The following FNDC3B variants were observed in gnomAD, a reference collection of about 807,000 sequenced individuals.
FNDC3B encodes fibronectin type III domain containing 3B.
In FNDC3B, 12 loss-of-function variants were observed where a neutral mutation model predicts 151.5. The observed-to-expected ratio is 0.08, with a 90% CI of 0.05 to 0.13. The LOEUF (loss-of-function observed/expected upper bound fraction) is 0.13, where lower values mean the gene tolerates loss of function less well. FNDC3B is among the 10% of genes least tolerant of loss of function. The pLI, the probability that FNDC3B is intolerant of heterozygous loss-of-function variation, is 1.00. For synonymous variants in FNDC3B, 528 were observed against 549.0 expected (o/e 0.96, Z 0.54); for missense variants, 1,214 against 1,505.3 (o/e 0.81, Z 3.20).
In FNDC3B at chr3:172,330,707, G is replaced by A. The variant is rs779364384; in HGVS notation, c.1546G>A (p.Asp516Asn). ...CACCTACACCTTGGAAATTCAGGAGGATGAAAATGTGAGTTTTACAGATTT... is the reference window on the plus strand; with the variant it reads ...CACCTACACCTTGGAAATTCAGGAGAATGAAAATGTGAGTTTTACAGATTT... ...VITYTLEIQE[D>N]ENDNLFHPKY... The change falls in exon 13 of 26, where the codon GAT becomes AAT. Residue 516 changes from aspartate to asparagine, a missense_variant. Asp to Asn is a conservative substitution (Grantham distance 23). This residue lies in a region of FNDC3B where 111 missense variants were observed against 96.8 expected (regional missense o/e 1.15). Transcript: ENST00000415807. 1.9e-6 allele frequency: 3 copies of A among 1,612,530 alleles called. No homozygotes were observed. Among genetic ancestry groups the A allele is most frequent in the Non-Finnish European group, 2.5e-6 (3 of 1,178,882 alleles).
chr3:172,109,018 G>GCAT, intron 1 of FNDC3B, among the ~76,000 whole-genome samples: 1 of 152,308 alleles, frequency 6.6e-6, no homozygotes, highest in African/African-American at 2.4e-5. Flanking sequence ...CTCTGTGTGT[G>GCAT]CATGGAGCAC....
chr3:172,043,909 TAGAAAGCTGA>T (rs1003984183), intron 1 of FNDC3B, among the ~76,000 whole-genome samples: 3 of 152,212 alleles, frequency 2.0e-5, no homozygotes, highest in African/African-American at 7.2e-5. Context: ...AAGTCACTAA[TAGAAAGCTGA>T]AAAAAACGAT....
chr3:172,306,809 G>A (rs1433412318), intron 9 of FNDC3B: 1 of 152,700 alleles, frequency 6.5e-6, no homozygotes, highest in African/African-American at 2.4e-5. Context: ...CCTGAACATT[G>A]TTTTTGTGGA....
intron 4 of FNDC3B, among the ~76,000 whole-genome samples, chr3:172,242,678 C>T (rs560099616): frequency 6.6e-6 from 1 of 152,208 alleles, no homozygotes; most frequent in Non-Finnish European, 1.5e-5. Context: ...ATTTTATCCT[C>T]CTAGGCCTCA....
At chr3:172,141,054 A>G (rs1721602694) in intron 3 of FNDC3B, among the ~76,000 whole-genome samples, 1 of 152,116 alleles carries the variant, frequency 6.6e-6, no homozygotes, top group Admixed American at 6.5e-5. Context: ...CAATGATAGT[A>G]CCTATCTGAT....
rs1736455851 is a variant in FNDC3B at position 172,399,373 on chromosome 3, G to A, written c.*1898G>A. On this transcript the variant is annotated 3_prime_UTR_variant, in exon 26 of 26. Transcript: ENST00000415807. ...TTCTTATGTTTTTAAAAAGATAAGA[G>A]CATCTAGTGCATTAAATGCCAAAAA... is the stretch of plus-strand genomic sequence containing the variant. 6.6e-6 allele frequency: 1 copy of A among 152,354 alleles called. No homozygotes were observed. The highest frequency in any genetic ancestry group is 6.6e-5 in the Admixed American group (1 of 15,264). The allele number at this position is 152,354 out of a possible 1,614,324, so 9.4% of individuals were successfully genotyped here. A position where few individuals can be genotyped will look rare whatever the true frequency, so the allele number is the denominator to read the frequency against.
rs990466726 is a variant in FNDC3B at position 172,399,990 on chromosome 3, A to G, written c.*2515A>G. The G allele has an allele frequency of 6.6e-6, 1 of 152,648 alleles. No homozygotes were observed. The highest frequency in any genetic ancestry group is 1.5e-5 in the Non-Finnish European group (1 of 68,036). 9.5% of individuals were successfully genotyped at this position (152,648 alleles called of 1,614,324 possible). A position where few individuals can be genotyped will look rare whatever the true frequency, so the allele number is the denominator to read the frequency against. On this transcript the variant is annotated 3_prime_UTR_variant, in exon 26 of 26. Coordinates refer to ENST00000415807, the MANE Select transcript of FNDC3B (RefSeq NM_022763.4). ...ATTTTATTGCTCTCCATTATTTGGT[A>G]TTCATTATATTCCTTCAGTCAGAAA...
At chr3:172,379,931 A>G (rs1314551752) in intron 24 of FNDC3B, among the ~76,000 whole-genome samples, 2 of 152,206 alleles carry the variant, frequency 1.3e-5, no homozygotes, top group East Asian at 3.8e-4. Context: ...ATGATCAGGT[A>G]GTCTTCCTCT....
chr3:172,290,474 C>G (rs374536667), intron 7 of FNDC3B, among the ~76,000 whole-genome samples: 1 of 152,136 alleles, frequency 6.6e-6, no homozygotes, highest in East Asian at 1.9e-4. Flanking sequence ...CCAGCCATCT[C>G]GAGCCTAATG....
At chr3:172,088,774 A>G (rs1385841286) in intron 1 of FNDC3B, among the ~76,000 whole-genome samples, 1 of 152,194 alleles carries the variant, frequency 6.6e-6, no homozygotes, top group Non-Finnish European at 1.5e-5. Context: ...TCATTTAAAA[A>G]CCACATTTTA....
At chr3:172,373,328 G>A (rs1215472986) in intron 23 of FNDC3B, among the ~76,000 whole-genome samples, 1 of 152,234 alleles carries the variant, frequency 6.6e-6, no homozygotes, top group African/African-American at 2.4e-5. Context: ...CAAGACAGCA[G>A]GACCCTTCTG....
intron 6 of FNDC3B, among the ~76,000 whole-genome samples, chr3:172,254,194 G>A (rs947771861): frequency 1.3e-5 from 2 of 152,178 alleles, no homozygotes; most frequent in African/African-American, 4.8e-5. Flanking sequence ...AACAACTCAT[G>A]TTAATATAAA....
intron 1 of FNDC3B, among the ~76,000 whole-genome samples, chr3:172,076,415 C>T (rs762991908): frequency 4.6e-5 from 7 of 152,154 alleles, no homozygotes; most frequent in African/African-American, 9.7e-5. Flanking sequence ...AATACCCAAG[C>T]GCTCAGTCAT....
chr3:172,211,967 T>G (rs1725754177), intron 3 of FNDC3B, among the ~76,000 whole-genome samples: 1 of 152,228 alleles, frequency 6.6e-6, no homozygotes, highest in Admixed American at 6.5e-5. Flanking sequence ...TTCCTTATTC[T>G]TAGATGTATA....
chr3:172,247,882 ATCTAGGTGGTTTGTAAGAC>A (rs779256751), intron 5 of FNDC3B, 106 bp downstream of exon 5: 41 of 1,287,968 alleles, frequency 3.2e-5, no homozygotes, highest in Non-Finnish European at 4.1e-5. Flanking sequence ...GTAGAAAAGG[ATCTAGGTGGTTTGTAAGAC>A]TCATGGGGAA....
intron 17 of FNDC3B, among the ~76,000 whole-genome samples, chr3:172,342,382 T>A (rs1733373461): frequency 6.6e-6 from 1 of 152,096 alleles, no homozygotes; most frequent in African/African-American, 2.4e-5. Context: ...ATGCATAGAG[T>A]TCATTTCCTC....
chr3:172,127,997 C>G (rs913245663), intron 2 of FNDC3B, among the ~76,000 whole-genome samples: 1 of 152,182 alleles, frequency 6.6e-6, no homozygotes, highest in Non-Finnish European at 1.5e-5. Flanking sequence ...TTGAAGAAAA[C>G]AGTATTAAAA....
At chr3:172,236,377 C>T (rs1459619014) in intron 4 of FNDC3B, among the ~76,000 whole-genome samples, 4 of 152,172 alleles carry the variant, frequency 2.6e-5, no homozygotes, top group Non-Finnish European at 4.4e-5. Context: ...TTAATCATAG[C>T]TGAAGATTCC....
intron 3 of FNDC3B, among the ~76,000 whole-genome samples, chr3:172,206,277 G>T (rs532668351): frequency 1.3e-5 from 2 of 152,292 alleles, no homozygotes; most frequent in South Asian, 2.1e-4. Context: ...GGGTCATATG[G>T]TTCCATTGCT....
Sources: gnomAD v4.1 joint callset for allele counts (sites outside exome capture counted in the v4.1 genomes callset) on GRCh38, gnomAD v4.1.1 for gene constraint, gnomAD v4.1.1 regional missense constraint, MANE v1.5 for transcripts, NCBI Gene and HGNC (gene_info 2026-07-23, HGNC 2026-07-21) for gene names.